Variants in RNF38 observed in about 807,000 individuals in gnomAD.
RNF38 encodes the protein ring finger protein 38.
Under a neutral mutation model 67.2 loss-of-function variants are expected in RNF38, and 15 were observed. That is an observed-to-expected ratio of 0.22 (90% confidence interval 0.15 to 0.34). RNF38 has a LOEUF of 0.34. RNF38 is among the 10% of genes least tolerant of loss of function. The probability of loss-of-function intolerance (pLI) is 1.00; values close to 1 mark genes in which losing one functional copy is unlikely to be tolerated. For missense variants in RNF38, 524 were observed against 639.9 expected (o/e 0.82, Z 1.95); for synonymous variants, 220 against 218.8 (o/e 1.01, Z -0.05).
intron 10 of RNF38, among the ~76,000 whole-genome samples, chr9:36,343,613 T>C (rs1360136762): frequency 6.6e-6 from 1 of 152,104 alleles, no homozygotes; most frequent in African/African-American, 2.4e-5. Flanking sequence ...TATAGAGTGA[T>C]TCAAAGCCAT....
intron 4 of RNF38, among the ~76,000 whole-genome samples, chr9:36,360,227 A>C (rs547420724): frequency 6.0e-4 from 92 of 152,290 alleles, no homozygotes; most frequent in African/African-American, 2.1e-3. Context: ...TTTGTTCCTC[A>C]AACTGTGGTT....
chr9:36,393,216 T>C (rs1347928779), intron 1 of RNF38, among the ~76,000 whole-genome samples: 1 of 152,138 alleles, frequency 6.6e-6, no homozygotes, highest in Admixed American at 6.5e-5. Flanking sequence ...TCATTCCTTG[T>C]TCCTTTGAAA....
At chr9:36,346,970 A>G (rs1833285256) in intron 9 of RNF38, among the ~76,000 whole-genome samples, 1 of 151,958 alleles carries the variant, frequency 6.6e-6, no homozygotes, top group South Asian at 2.1e-4. Context: ...TTACAAAAAA[A>G]TTAGACAGGC....
At chr9:36,480,877 AC>A (rs562358196) in intron 1 of RNF38, among the ~76,000 whole-genome samples, 3 of 151,698 alleles carry the variant, frequency 2.0e-5, no homozygotes, top group South Asian at 2.1e-4. Context: ...TGGTCCTCTT[AC>A]TACTACTTCC....
chr9:36,431,896 G>C (rs781138836), intron 1 of RNF38, among the ~76,000 whole-genome samples: 68 of 152,028 alleles, frequency 4.5e-4, no homozygotes, highest in Non-Finnish European at 7.6e-4. Flanking sequence ...CACTTCGTTA[G>C]CAGAAACTCA....
At chr9:36,360,284 C>T (rs1208822077) in intron 4 of RNF38, among the ~76,000 whole-genome samples, 2 of 152,124 alleles carry the variant, frequency 1.3e-5, no homozygotes, top group Admixed American at 6.5e-5. Flanking sequence ...CATGTCAAAG[C>T]GGTTAGTGTT....
chr9:36,473,532 G>A (rs1244499922), intron 1 of RNF38, among the ~76,000 whole-genome samples: 3 of 151,868 alleles, frequency 2.0e-5, no homozygotes, highest in Non-Finnish European at 4.4e-5. Context: ...AGGTTGCAGT[G>A]AGCCAAGATT....
intron 2 of RNF38, among the ~76,000 whole-genome samples, chr9:36,418,347 T>C (rs540749349): frequency 3.3e-5 from 5 of 151,250 alleles, no homozygotes; most frequent in South Asian, 4.3e-4. Context: ...ACAATCAATA[T>C]GTAATTTTTA....
intron 3 of RNF38, 106 bp from the exon 4 acceptor site, chr9:36,370,038 C>G: frequency 1.1e-6 from 1 of 885,296 alleles, no homozygotes; most frequent in Non-Finnish European, 1.7e-6. Flanking sequence ...AGGTAAGCTT[C>G]ATTATTAAAT....
chr9:36,408,932 A>AT (rs1377517063), intron 2 of RNF38, among the ~76,000 whole-genome samples: 1 of 152,216 alleles, frequency 6.6e-6, no homozygotes, highest in Non-Finnish European at 1.5e-5. Flanking sequence ...CACCTCTGTA[A>AT]TACCAGCACT....
At chr9:36,481,240 C>T (rs1840254798) in intron 1 of RNF38, among the ~76,000 whole-genome samples, 1 of 151,702 alleles carries the variant, frequency 6.6e-6, no homozygotes, top group Admixed American at 6.6e-5. Flanking sequence ...GTCTCAAACT[C>T]CTGAGCTCAG....
In RNF38 at chr9:36,449,029, T is replaced by G. The variant is rs145761695; in HGVS notation, n.242-24346A>C. ...AAAAAGAAAGAAAGAAAGAAAGAAA[T>G]AGACCCAAACTATAAACCAGTTAAA... is the stretch of plus-strand genomic sequence containing the variant. On this transcript the variant is annotated intron_variant and non_coding_transcript_variant, in intron 1 of 3. Transcript: ENST00000488058. Among the ~76,000 whole-genome samples, 26 of 151,840 alleles carry G rather than the reference T, an allele frequency of 1.7e-4. No individual in the cohort carries two copies. The East Asian group carries it at 4.7e-3, about 27-fold the overall frequency.
upstream of RNF38, among the ~76,000 whole-genome samples, chr9:36,406,135 A>G (rs1838175784): frequency 6.6e-6 from 1 of 152,218 alleles, no homozygotes; most frequent in Admixed American, 6.5e-5. Context: ...CTTTGTTTGT[A>G]TATCACTGAC....
chr9:36,395,464 G>A (rs1037399243), intron 1 of RNF38, among the ~76,000 whole-genome samples: 2 of 151,920 alleles, frequency 1.3e-5, no homozygotes, highest in Admixed American at 6.6e-5. Context: ...CCAACTGGTC[G>A]GTCAAAAGCA....
rs536185009 is a variant in RNF38 at position 36,429,686 on chromosome 9, C to T, written n.242-5003G>A. 6.2e-4 allele frequency among the ~76,000 whole-genome samples: 94 copies of T among 152,002 alleles called. 1 individual carries two copies. The highest frequency in any genetic ancestry group is 9.3e-4 in the Non-Finnish European group (63 of 67,980). ...GCGGGCACCTGTAATCCCAGCTACT[C>T]GGGAGGCTGAGGCAGGAGAATTGTT... On this transcript the variant is annotated intron_variant and non_coding_transcript_variant, in intron 1 of 3. Coordinates refer to the RNF38 transcript ENST00000488058.
chr9:36,450,210 C>T (rs889505389), intron 1 of RNF38, among the ~76,000 whole-genome samples: 2 of 151,996 alleles, frequency 1.3e-5, no homozygotes, highest in African/African-American at 2.4e-5. Flanking sequence ...TTTTTTGTTG[C>T]CCCCAACAAA....
chr9:36,464,504 G>A (rs1295592223), intron 1 of RNF38, among the ~76,000 whole-genome samples: 2 of 151,822 alleles, frequency 1.3e-5, no homozygotes, highest in African/African-American at 4.8e-5. Context: ...CTGGGAGGCG[G>A]AGGTTGTGGT....
chr9:36,378,427 C>T (rs1224657013), intron 2 of RNF38, among the ~76,000 whole-genome samples: 1 of 152,068 alleles, frequency 6.6e-6, no homozygotes, highest in South Asian at 2.1e-4. Context: ...CTGCCCATCT[C>T]GGCCTCCCAA....
chr9:36,446,846 C>T (rs964845980), intron 1 of RNF38, among the ~76,000 whole-genome samples: 1 of 122,056 alleles, frequency 8.2e-6, no homozygotes, highest in Admixed American at 9.4e-5. Context: ...AAAAGTCAGG[C>T]ATGGTGGCTC....
Sources: gnomAD v4.1 joint callset for allele counts (sites outside exome capture counted in the v4.1 genomes callset) on GRCh38, gnomAD v4.1.1 for gene constraint, MANE v1.5 for transcripts, NCBI Gene and HGNC (gene_info 2026-07-23, HGNC 2026-07-21) for gene names.